The following PRDM12 variants were observed in gnomAD, a reference collection of about 807,000 sequenced individuals.
The protein encoded by PRDM12 is PR/SET domain 12.
In PRDM12, 17 loss-of-function variants were observed where a neutral mutation model predicts 29.6. That is an observed-to-expected ratio of 0.57 (90% confidence interval 0.39 to 0.86). The LOEUF is 0.86. Among genes scored for constraint, PRDM12 ranks in the 40% least tolerant of loss-of-function variants. PRDM12 has a pLI of 0.00. For synonymous variants in PRDM12, 231 were observed against 225.8 expected (o/e 1.02, Z -0.21); for missense variants, 422 against 510.8 (o/e 0.83, Z 1.68).
At position 130,666,770 on chromosome 9, in the gene PRDM12, T is replaced by G. The variant is rs1460899272; in HGVS notation, c.386T>G (p.Ile129Ser). ...GTGATCGCCCCGGAGCACGTGGACA[T>G]CTGCAAGAACAACAACCTCATGTGG... ...GRVIAPEHVD[I>S]CKNNNLMWEV... The change falls in exon 2 of 5, where the codon ATC becomes AGC. Residue 129 changes from isoleucine (I) to serine (S), a missense_variant. Transcript: ENST00000253008. The G allele has an allele frequency of 1.9e-6, 3 of 1,611,668 alleles. No individual in the cohort carries two copies. The highest frequency in any genetic ancestry group is 1.1e-5 in the South Asian group (1 of 90,772).
chr9:130,676,747 C>T (rs907838535), intron 3 of PRDM12, among the ~76,000 whole-genome samples: 5 of 152,116 alleles, frequency 3.3e-5, no homozygotes, highest in African/African-American at 9.7e-5. Flanking sequence ...ATTGGCTTCT[C>T]GTCATTTACT....
rs1261547975 is a variant in PRDM12 at position 130,681,725 on chromosome 9, C to G, written c.*56C>G. ...GCTCCTGGGTCCCCGGCACCCCGGC[C>G]CCGCAGCGCGACTCGCCCTCCAGCC... On this transcript the variant is annotated 3_prime_UTR_variant, in exon 5 of 5. Transcript: ENST00000253008. The surrounding 1 kb of genome is among the most constrained non-coding windows in gnomAD (Gnocchi z 8.1). 2.2e-5 allele frequency: 22 copies of G among 979,306 alleles called. No individual in the cohort carries two copies. Among genetic ancestry groups the G allele is most frequent in the Non-Finnish European group, 2.7e-5 (22 of 826,064 alleles). 60.7% of individuals were successfully genotyped at this position (979,306 alleles called of 1,614,324 possible).
In PRDM12 at chr9:130,681,220, CCCCCGCCCCG is replaced by C. The variant is rs759795008; in HGVS notation, c.683-16_683-7del. ...CTCTCTCCCCTTCTCCGTCTCCCTT[CCCCCGCCCCG>C]CCCCGCCCCGCGGCCAGAGGACTTC... On this transcript the variant is annotated intron_variant, in intron 4 of 4. Transcript: ENST00000253008. This position sits in a 1 kb window ranked among gnomAD's most constrained non-coding sequence, Gnocchi z 8.1. 4.9e-6 allele frequency: 7 copies of C among 1,429,552 alleles called. No individual in the cohort carries two copies. Among genetic ancestry groups the C allele is most frequent in the South Asian group, 2.9e-5 (2 of 70,166 alleles). 88.6% of individuals were successfully genotyped at this position (1,429,552 alleles called of 1,614,324 possible).
At chr9:130,673,957 C>T (rs972935034) in intron 3 of PRDM12, among the ~76,000 whole-genome samples, 1 of 151,410 alleles carries the variant, frequency 6.6e-6, no homozygotes, top group Non-Finnish European at 1.5e-5. Context: ...AGGCCTGAGC[C>T]ACCGAGCCTG....
chr9:130,672,309 C>A (rs1316243159), intron 3 of PRDM12, among the ~76,000 whole-genome samples: 1 of 152,138 alleles, frequency 6.6e-6, no homozygotes, highest in Non-Finnish European at 1.5e-5. Flanking sequence ...TCAAGCAATT[C>A]TCCTGCCTCC....
rs576441150 is a variant in PRDM12, at chr9:130,675,704, C to T, written c.571-2825C>T. Among the ~76,000 whole-genome samples the T allele has an allele frequency of 6.6e-5, 10 of 152,324 alleles. 1 individual carries two copies. The South Asian group carries it at 1.4e-3, about 22-fold the overall frequency. ...CAATGTGAGGAAACAGGCCCCACGA[C>T]GTGAGGCGACTTGCCCGAGGTGACT... On this transcript the variant is annotated intron_variant, in intron 3 of 4. Transcript: ENST00000253008.
At chr9:130,677,741 A>T (rs1261286154) in intron 3 of PRDM12, among the ~76,000 whole-genome samples, 1 of 152,012 alleles carries the variant, frequency 6.6e-6, no homozygotes, top group Non-Finnish European at 1.5e-5. Flanking sequence ...GATCAGTGCC[A>T]CCCCAGAAGC....
chr9:130,674,871 T>A (rs552259371), intron 3 of PRDM12, among the ~76,000 whole-genome samples: 11 of 152,334 alleles, frequency 7.2e-5, no homozygotes, highest in African/African-American at 2.6e-4. Context: ...ATAGTCACCA[T>A]CAGAGTTCTT....
At position 130,682,622 on chromosome 9, in the gene PRDM12, CTG is replaced by C. The variant is rs746556466; in HGVS notation, c.*956_*957del. On this transcript the variant is annotated 3_prime_UTR_variant, in exon 5 of 5. Coordinates refer to ENST00000253008, the MANE Select transcript of PRDM12 (RefSeq NM_021619.3). This position sits in a 1 kb window ranked among gnomAD's most constrained non-coding sequence, Gnocchi z 4.2. The stretch of plus-strand genomic sequence containing the variant: ...TCTGTGGCCACGAAGCGCTTCCGAG[CTG>C]TGCCCAGTCCCGGGAATTCCGCCCA... 1 of 152,430 alleles carries C rather than the reference CTG, an allele frequency of 6.6e-6. No homozygotes were observed. The highest frequency in any genetic ancestry group is 1.9e-4 in the East Asian group (1 of 5,184). The allele number at this position is 152,430 out of a possible 1,614,324, so 9.4% of individuals were successfully genotyped here. A position where few individuals can be genotyped will look rare whatever the true frequency, so the allele number is the denominator to read the frequency against.
In PRDM12 at chr9:130,668,097, T is replaced by C; in HGVS notation, c.415-61T>C. On this transcript the variant is annotated intron_variant, in intron 2 of 4. Transcript: ENST00000253008. The surrounding 1 kb of genome is among the most constrained non-coding windows in gnomAD (Gnocchi z 4.0). ...TGGAGAGTGTGTGTGTGGATGTGCC[T>C]GGAAGATGGTACACATGGCATAGCC... is the stretch of plus-strand genomic sequence containing the variant. 1 of 1,579,214 alleles carries C rather than the reference T, an allele frequency of 6.3e-7. No individual in the cohort carries two copies.
intron 3 of PRDM12, among the ~76,000 whole-genome samples, chr9:130,669,668 T>C (rs1470294815): frequency 2.0e-5 from 3 of 150,188 alleles, no homozygotes; most frequent in Non-Finnish European, 4.4e-5. Flanking sequence ...TACAAAAAAT[T>C]AGCCGGGTGT....
Position 130,664,826 on chromosome 9 carries a change from G to C in PRDM12, c.173G>C (p.Ser58Thr), listed in dbSNP as rs1319169372. ...QLFEDKSHHASPKTAFTAEVL... is the reference protein window; with the variant it reads ...QLFEDKSHHATPKTAFTAEVL... ...TTCGAGGACAAGAGCCACCACGCCA[G>C]CCCCAAGACAGCCTTCACCGCCGAG... Residue 58 changes from serine (S) to threonine (T), a missense_variant, in exon 1 of 5, where the codon AGC (serine) becomes ACC (threonine). By Grantham distance (58) the Ser-to-Thr change is moderately conservative. Around this residue, in one of 5 missense-constraint regions of PRDM12, gnomAD observed 300 missense variants for 350.0 expected, o/e 0.86. Transcript: ENST00000253008. The surrounding 1 kb of genome is among the most constrained non-coding windows in gnomAD (Gnocchi z 6.4). The C allele has an allele frequency of 1.9e-6, 3 of 1,558,530 alleles. No individual in the cohort carries two copies. Among genetic ancestry groups the C allele is most frequent in the Non-Finnish European group, 2.6e-6 (3 of 1,152,656 alleles).
In PRDM12 at chr9:130,668,084, G is replaced by A; in HGVS notation, c.415-74G>A. The A allele has an allele frequency of 2.0e-6, 3 of 1,530,330 alleles. No individual in the cohort carries two copies. 94.8% of individuals were successfully genotyped at this position (1,530,330 alleles called of 1,614,324 possible). A position where few individuals can be genotyped will look rare whatever the true frequency, so the allele number is the denominator to read the frequency against. On this transcript the variant is annotated intron_variant, in intron 2 of 4. Transcript: ENST00000253008. This position sits in a 1 kb window ranked among gnomAD's most constrained non-coding sequence, Gnocchi z 4.0. ...GCTGTTGTGAGGATGGAGAGTGTGT[G>A]TGTGGATGTGCCTGGAAGATGGTAC...
rs899878470 is a variant in PRDM12 at position 130,682,306 on chromosome 9, C to G, written c.*637C>G. ...TTCTCTCCTTTAGGCCAGCTTACCC[C>G]CAAACCTGGCTCCTGGGGACGGATG... On this transcript the variant is annotated 3_prime_UTR_variant, in exon 5 of 5. Coordinates refer to ENST00000253008, the MANE Select transcript of PRDM12 (RefSeq NM_021619.3). The surrounding 1 kb of genome is among the most constrained non-coding windows in gnomAD (Gnocchi z 4.2). 6.6e-6 allele frequency: 1 copy of G among 152,348 alleles called. No individual in the cohort carries two copies. The highest frequency in any genetic ancestry group is 1.9e-4 in the East Asian group (1 of 5,194). The allele number at this position is 152,348 out of a possible 1,614,324, so 9.4% of individuals were successfully genotyped here.
chr9:130,678,701 G>A (rs556323376), intron 4 of PRDM12, 61 bp downstream of exon 4: 5 of 1,384,564 alleles, frequency 3.6e-6, no homozygotes, highest in Non-Finnish European at 5.0e-6. Flanking sequence ...CCCAGGGAGG[G>A]GAGAGAGAGA....
chr9:130,664,878 T>C lies in PRDM12; in HGVS notation c.223+2T>C. 1 of 1,534,924 alleles carries C rather than the reference T, an allele frequency of 6.5e-7. No homozygotes were observed. Among genetic ancestry groups the C allele is most frequent in the Non-Finnish European group, 8.8e-7 (1 of 1,139,946 alleles). Reference sequence around the variant, plus strand: ...TGCTGGCGCAGTCCTTCTCCGGCGGTGAGTCCAGCCGTCGGAGCCCGGCGC... The same window carrying C: ...TGCTGGCGCAGTCCTTCTCCGGCGGCGAGTCCAGCCGTCGGAGCCCGGCGC... On this transcript the variant is annotated splice_donor_variant, in intron 1 of 4. Coordinates refer to ENST00000253008, the MANE Select transcript of PRDM12 (RefSeq NM_021619.3). LOFTEE classifies it high-confidence loss of function. The surrounding 1 kb of genome is among the most constrained non-coding windows in gnomAD (Gnocchi z 6.4).
Position 130,666,757 on chromosome 9 carries a change from G to C in PRDM12, c.373G>C (p.Glu125Gln). Residue 125 changes from glutamate to glutamine, a missense_variant, in exon 2 of 5, where the codon GAG becomes CAG. Physicochemically the swap from Glu to Gln is conservative, Grantham distance 29. Coordinates refer to ENST00000253008, the MANE Select transcript of PRDM12 (RefSeq NM_021619.3). ...GPFTGRVIAP[E>Q]HVDICKNNNL... The stretch of plus-strand genomic sequence containing the variant: ...CTTCACCGGCCGCGTGATCGCCCCG[G>C]AGCACGTGGACATCTGCAAGAACAA... The C allele has an allele frequency of 6.2e-7, 1 of 1,612,408 alleles. No homozygotes were observed. Among genetic ancestry groups the C allele is most frequent in the East Asian group, 2.2e-5 (1 of 44,820 alleles).
In PRDM12 at chr9:130,664,947, C is replaced by T; in HGVS notation, c.223+71C>T. 1 of 1,403,712 alleles carries T rather than the reference C, an allele frequency of 7.1e-7. No homozygotes were observed. Among genetic ancestry groups the T allele is most frequent in the South Asian group, 1.4e-5 (1 of 72,156 alleles). The allele number at this position is 1,403,712 out of a possible 1,614,324, so 87.0% of individuals were successfully genotyped here. ...CCCCCATTCCCGTCCTGGCGATGCG[C>T]GAGACGCGGCTGGGATACCCGGCCT... On this transcript the variant is annotated intron_variant, in intron 1 of 4. Coordinates refer to ENST00000253008, the MANE Select transcript of PRDM12 (RefSeq NM_021619.3). This position sits in a 1 kb window ranked among gnomAD's most constrained non-coding sequence, Gnocchi z 6.4.
intron 3 of PRDM12, among the ~76,000 whole-genome samples, chr9:130,675,405 T>A (rs1193217434): frequency 6.6e-6 from 1 of 152,150 alleles, no homozygotes; most frequent in Non-Finnish European, 1.5e-5. Flanking sequence ...GCTGGTGTCC[T>A]CGGAGCATTC....
Sources: gnomAD v4.1 joint callset for allele counts (sites outside exome capture counted in the v4.1 genomes callset) on GRCh38, gnomAD v4.1.1 for gene constraint, gnomAD v4.1.1 regional missense constraint, Gnocchi (gnomAD v3.1) non-coding constraint, MANE v1.5 for transcripts, NCBI Gene and HGNC (gene_info 2026-07-23, HGNC 2026-07-21) for gene names.